Variants in RCSD1 observed in about 807,000 individuals in gnomAD.
RCSD1 encodes RCSD domain containing 1.
In RCSD1, 26 loss-of-function variants were observed where a neutral mutation model predicts 42.5. That is an observed-to-expected ratio of 0.61 (90% CI 0.45 to 0.85). RCSD1 has a LOEUF of 0.85. Ranked by LOEUF, RCSD1 falls within the 40% of genes least tolerant of loss-of-function variation. The pLI is 0.00. For missense variants in RCSD1, 571 were observed against 528.3 expected, an observed-to-expected ratio of 1.08 and a Z score of -0.79; for synonymous variants, 220 against 212.2, an observed-to-expected ratio of 1.04 and a Z score of -0.32.
At chr1:167,636,301 C>A (rs1009285196) in intron 1 of RCSD1, among the ~76,000 whole-genome samples, 1 of 152,148 alleles carries the variant, frequency 6.6e-6, no homozygotes, top group Non-Finnish European at 1.5e-5. Flanking sequence ...CTCTGAGATG[C>A]CATTAGAGCC....
intron 4 of RCSD1, among the ~76,000 whole-genome samples, chr1:167,691,933 G>A (rs1348013393): frequency 2.0e-5 from 3 of 152,170 alleles, no homozygotes; most frequent in Non-Finnish European, 4.4e-5. Context: ...CTAGCATCCA[G>A]CTGAGGGATG....
At chr1:167,701,468 G>T (rs184755434) in intron 6 of RCSD1, among the ~76,000 whole-genome samples, 61 of 151,958 alleles carry the variant, frequency 4.0e-4, no homozygotes, top group African/African-American at 1.4e-3. Flanking sequence ...ACCATGCCAG[G>T]CTATTTTTTG....
intron 1 of RCSD1, among the ~76,000 whole-genome samples, chr1:167,677,756 G>A (rs997093487): frequency 2.3e-4 from 35 of 152,160 alleles, no homozygotes; most frequent in African/African-American, 7.5e-4. Context: ...CTGACTTAGA[G>A]TTCTGTCCTT....
At chr1:167,630,643 G>A (rs1386337185) in intron 1 of RCSD1, 2 of 296,168 alleles carry the variant, frequency 6.8e-6, no homozygotes, top group African/African-American at 2.2e-5. Flanking sequence ...GGAGGCTGGG[G>A]TTGGTAAGGA....
chr1:167,636,280 G>T (rs1388333784), intron 1 of RCSD1, among the ~76,000 whole-genome samples: 1 of 152,192 alleles, frequency 6.6e-6, no homozygotes, highest in East Asian at 1.9e-4. Flanking sequence ...CCTTACCTCT[G>T]TAAGAGACCC....
chr1:167,693,334 AC>A (rs1441581660), intron 4 of RCSD1, among the ~76,000 whole-genome samples: 1 of 152,108 alleles, frequency 6.6e-6, no homozygotes, highest in Non-Finnish European at 1.5e-5. Flanking sequence ...GGCATCTGGG[AC>A]CACCTGCCTC....
intron 1 of RCSD1, among the ~76,000 whole-genome samples, chr1:167,655,614 T>TC (rs1658407297): frequency 6.6e-6 from 1 of 152,250 alleles, no homozygotes; most frequent in Admixed American, 6.5e-5. Context: ...CCTCCACCAG[T>TC]CACCCTGGGG....
chr1:167,704,721 A>G lies in RCSD1; in HGVS notation c.*25A>G. The G allele has an allele frequency of 5.0e-6, 8 of 1,610,562 alleles. No homozygotes were observed. The highest frequency in any genetic ancestry group is 6.8e-6 in the Non-Finnish European group (8 of 1,177,374). On this transcript the variant is annotated 3_prime_UTR_variant, in exon 7 of 7. Coordinates refer to ENST00000367854, the MANE Select transcript of RCSD1 (RefSeq NM_052862.4). ...AAGAACAGCTCATTGTGCCCCAGTG[A>G]TGAAGTTGCTGGACACATCTCTTTG...
At chr1:167,678,157 C>A (rs1658994631) in intron 1 of RCSD1, among the ~76,000 whole-genome samples, 1 of 152,144 alleles carries the variant, frequency 6.6e-6, no homozygotes, top group Non-Finnish European at 1.5e-5. Context: ...GTCTTTGGGC[C>A]TCTTCTCTTC....
intron 6 of RCSD1, among the ~76,000 whole-genome samples, 162 bp from the exon 7 acceptor site, chr1:167,704,502 A>T (rs1385164840): frequency 2.2e-5 from 2 of 89,252 alleles, no homozygotes; most frequent in Admixed American, 1.1e-4. Context: ...GTCAATGCAT[A>T]AAAAAAACTA....
At chr1:167,685,971 G>A (rs1659226136) in intron 3 of RCSD1, among the ~76,000 whole-genome samples, 1 of 152,112 alleles carries the variant, frequency 6.6e-6, no homozygotes, top group South Asian at 2.1e-4. Context: ...GTAAAGCCTG[G>A]CTATTGTTCA....
intron 1 of RCSD1, among the ~76,000 whole-genome samples, chr1:167,668,432 C>T (rs909680758): frequency 6.6e-6 from 1 of 152,130 alleles, no homozygotes; most frequent in Non-Finnish European, 1.5e-5. Context: ...CCCTCCTTAC[C>T]CCTCAAACCT....
At chr1:167,651,348 C>T (rs1658299874) in intron 1 of RCSD1, among the ~76,000 whole-genome samples, 1 of 152,216 alleles carries the variant, frequency 6.6e-6, no homozygotes, top group Admixed American at 6.5e-5. Flanking sequence ...CCGATCTGTA[C>T]TGGAGTTCTG....
chr1:167,701,487 G>A (rs899023488), intron 6 of RCSD1, among the ~76,000 whole-genome samples: 3 of 151,872 alleles, frequency 2.0e-5, no homozygotes, highest in Admixed American at 1.3e-4. Context: ...TGTATTTTTA[G>A]TAGAGACAAG....
chr1:167,690,058 C>T lies in RCSD1; in HGVS notation c.208C>T (p.Pro70Ser), dbSNP rs763602411. 1.2e-6 allele frequency: 2 copies of T among 1,614,034 alleles called. No homozygotes were observed. Among genetic ancestry groups the T allele is most frequent in the Admixed American group, 1.7e-5 (1 of 60,004 alleles). Residue 70 changes from proline (P) to serine (S), a missense_variant, in exon 4 of 7, where the codon CCC (proline) becomes TCC (serine). Pro to Ser is a moderately conservative substitution (Grantham distance 74). Coordinates refer to ENST00000367854, the MANE Select transcript of RCSD1 (RefSeq NM_052862.4). The stretch of plus-strand genomic sequence containing the variant: ...TTGATTTGCTCCATAGAAATCACCA[C>T]CCAATGCGAGCCACCCTCCTAAATT... ...LGQNGEEKSP[P>S]NASHPPKFKV...
At chr1:167,658,898 A>T (rs1275043441) in intron 1 of RCSD1, among the ~76,000 whole-genome samples, 1 of 152,006 alleles carries the variant, frequency 6.6e-6, no homozygotes, top group Non-Finnish European at 1.5e-5. Flanking sequence ...TATGGGGTAG[A>T]TTCTCAGGAG....
At chr1:167,633,186 C>T (rs964895533) in intron 1 of RCSD1, among the ~76,000 whole-genome samples, 1 of 152,226 alleles carries the variant, frequency 6.6e-6, no homozygotes, top group Admixed American at 6.5e-5. Flanking sequence ...CTCATAAAGC[C>T]CTGTGGAATA....
At position 167,676,638 on chromosome 1, in the gene RCSD1, G is replaced by C. The variant is rs141294514; in HGVS notation, c.7-7262G>C. Among the ~76,000 whole-genome samples the C allele has an allele frequency of 1.5e-4, 23 of 152,176 alleles. No individual in the cohort carries two copies. In the East Asian group the frequency reaches 4.4e-3, roughly 29 times the overall value. The stretch of plus-strand genomic sequence containing the variant: ...TCCCAAATTACACTGATAAAATCCT[G>C]TCACTGCAATGGCATTCTGGATGAA... On this transcript the variant is annotated intron_variant, in intron 1 of 6. Transcript: ENST00000367854.
At position 167,705,448 on chromosome 1, in the gene RCSD1, T is replaced by C. The variant is rs2101729112; in HGVS notation, c.*752T>C. ...CTCCCTTCTCCCACCCTTGAGAATG[T>C]GGAGAACTCCCATGGAGAGGCAGAA... On this transcript the variant is annotated 3_prime_UTR_variant, in exon 7 of 7. Coordinates refer to ENST00000367854, the MANE Select transcript of RCSD1 (RefSeq NM_052862.4). 6.6e-6 allele frequency: 1 copy of C among 152,240 alleles called. No homozygotes were observed. Among genetic ancestry groups the C allele is most frequent in the African/African-American group, 2.4e-5 (1 of 41,560 alleles). 9.4% of individuals were successfully genotyped at this position (152,240 alleles called of 1,614,324 possible). A position where few individuals can be genotyped will look rare whatever the true frequency, so the allele number is the denominator to read the frequency against.
Sources: allele counts gnomAD v4.1 joint callset (sites outside exome capture counted in the v4.1 genomes callset), GRCh38; gene constraint gnomAD v4.1.1; transcripts MANE v1.5; gene names NCBI Gene and HGNC (gene_info 2026-07-23, HGNC 2026-07-21).